The following APOB variants were observed in gnomAD, a reference collection of about 807,000 sequenced individuals.
The protein encoded by APOB is apolipoprotein B-100.
APOB carries 153 observed loss-of-function variants against 314.1 expected under a neutral mutation model. The observed-to-expected ratio is 0.49, with a 90% confidence interval of 0.43 to 0.56. The LOEUF is 0.56. Among genes scored for constraint, APOB ranks in the 20% least tolerant of loss-of-function variants. The pLI is 0.00. For missense variants in APOB, 5,430 were observed against 5,350.7 expected, an observed-to-expected ratio of 1.01 and a Z score of -0.46; for synonymous variants, 2,087 against 2,036.4, an observed-to-expected ratio of 1.02 and a Z score of -0.67.
rs372538972 is a variant in APOB, at chr2:21,029,999, G to T, written c.1369C>A (p.Pro457Thr). Reference sequence around the variant, plus strand: ...TCCAGCAGCTCCTGGGTCCCTGTAGGGTTTGTCTTATGATAGCTACAGAAT... The same window carrying T: ...TCCAGCAGCTCCTGGGTCCCTGTAGTGTTTGTCTTATGATAGCTACAGAAT... ...HAVNNYHKTN[P>T]TGTQELLDIA... The change falls in exon 11 of 29, where the codon CCT becomes ACT. Residue 457 changes from proline (P) to threonine (T), a missense_variant. Around this residue, in one of 3 missense-constraint regions of APOB, gnomAD observed 2,085 missense variants for 2,079.7 expected, o/e 1.00. Coordinates refer to ENST00000233242, the MANE Select transcript of APOB (RefSeq NM_000384.3). The T allele has an allele frequency of 1.2e-6, 2 of 1,611,928 alleles. No individual in the cohort carries two copies. Among genetic ancestry groups the T allele is most frequent in the Non-Finnish European group, 8.5e-7 (1 of 1,178,018 alleles).
Position 21,012,031 on chromosome 2 carries a change from T to C in APOB, c.4837A>G (p.Ser1613Gly). The change falls in exon 26 of 29, where the codon AGC (serine) becomes GGC (glycine). Residue 1613 changes from serine to glycine, a missense_variant. Coordinates refer to ENST00000233242, the MANE Select transcript of APOB (RefSeq NM_000384.3). ...GAATTTAGTGATCCAGAAAGCAGGC[T>C]GAAGAACCTCAATGACTCGTAATCA... ...QADYESLRFF[S>G]LLSGSLNSHG... 6.2e-7 allele frequency: 1 copy of C among 1,614,218 alleles called. No individual in the cohort carries two copies. Among genetic ancestry groups the C allele is most frequent in the East Asian group, 2.2e-5 (1 of 44,884 alleles).
rs1663160029 is a variant in APOB, at chr2:21,006,918, A to C, written c.9950T>G (p.Leu3317Arg). ...LHVPRNLKLS[L>R]PDFKELCTIS... ...GGTACACAATTCCTTGAAATCTGGA[A>C]GAGAAAGCTTGAGATTTCTAGGGAC... Residue 3317 changes from leucine to arginine, a missense_variant, in exon 26 of 29, where the codon CTT becomes CGT. By Grantham distance (102) the Leu-to-Arg change is moderately radical. Transcript: ENST00000233242. The C allele has an allele frequency of 6.2e-7, 1 of 1,614,002 alleles. No individual in the cohort carries two copies. Among genetic ancestry groups the C allele is most frequent in the African/African-American group, 1.3e-5 (1 of 74,928 alleles).
chr2:21,003,199 G>A lies in APOB; in HGVS notation c.12223C>T (p.Pro4075Ser), dbSNP rs1393599234. Residue 4075 changes from proline to serine, a missense_variant, in exon 29 of 29, where the codon CCC becomes TCC. Physicochemically the swap from Pro to Ser is moderately conservative, Grantham distance 74. Coordinates refer to ENST00000233242, the MANE Select transcript of APOB (RefSeq NM_000384.3). ...TCATAAAGGACCCCTGTGGCCTTGGGCACGTTGTCTTTCAGAGAGGTTAGC... is the reference window on the plus strand; with the variant it reads ...TCATAAAGGACCCCTGTGGCCTTGGACACGTTGTCTTTCAGAGAGGTTAGC... ...GLLTSLKDNV[P>S]KATGVLYDYV... 1 of 1,613,970 alleles carries A rather than the reference G, an allele frequency of 6.2e-7. No homozygotes were observed. The highest frequency in any genetic ancestry group is 1.1e-5 in the South Asian group (1 of 91,052).
intron 28 of APOB, 76 bp from the exon 29 acceptor site, chr2:21,003,410 TAGC>T (rs1663049934): frequency 7.8e-7 from 1 of 1,274,896 alleles, no homozygotes; most frequent in Admixed American, 1.8e-5. Flanking sequence ...AAAACTTCAT[TAGC>T]AGTTAAAAAT....
chr2:21,007,490 T>C lies in APOB; in HGVS notation c.9378A>G (p.Leu3126=), dbSNP rs760776177. The C allele has an allele frequency of 6.2e-7, 1 of 1,614,132 alleles. No individual in the cohort carries two copies. The highest frequency in any genetic ancestry group is 8.5e-7 in the Non-Finnish European group (1 of 1,179,974). The stretch of plus-strand genomic sequence containing the variant: ...TTTCAGGAATTGTTAAAGGAATGTT[T>C]AAGAAATCCAGATTTGCTTCTCCAT... The part of the protein sequence containing the change: ...GINGEANLDF[L]NIPLTIPEMR... The change falls in exon 26 of 29, where the codon TTA becomes TTG. Residue 3126 remains leucine, a synonymous_variant. Coordinates refer to ENST00000233242, the MANE Select transcript of APOB (RefSeq NM_000384.3).
rs584542 is a variant in APOB at position 21,009,931 on chromosome 2, T to A, written c.6937A>T (p.Ile2313Phe). The A allele has an allele frequency of 3.1e-6, 5 of 1,613,928 alleles. 1 individual carries two copies. In the Admixed American group the frequency reaches 5.0e-5, roughly 16 times the overall value. ...TTISFERIND[I>F]LEHVKHFVIN... ...ACAAAGTGTTTGACATGCTCAAGAA[T>A]GTCATTTATTCTTTCAAATGAAATT... Residue 2313 changes from isoleucine (I) to phenylalanine (F), a missense_variant, in exon 26 of 29, where the codon ATT becomes TTT. Ile to Phe is a conservative substitution (Grantham distance 21). Around this residue, in one of 3 missense-constraint regions of APOB, gnomAD observed 3,281 missense variants for 3,171.0 expected, o/e 1.03. Transcript: ENST00000233242.
rs1663826745 is a variant in APOB at position 21,029,630 on chromosome 2, G to A, written c.1617+9C>T. 2 of 1,613,948 alleles carry A rather than the reference G, an allele frequency of 1.2e-6. No individual in the cohort carries two copies. ...CTTTCACTTTCAGACCTCTTCTTGT[G>A]GACTTTACCTTGTCTTTAGGCTCCA... On this transcript the variant is annotated intron_variant, in intron 12 of 28. Transcript: ENST00000233242.
At position 21,015,225 on chromosome 2, in the gene APOB, T is replaced by G; in HGVS notation, c.3544A>C (p.Thr1182Pro). ...EKIEFEWNTG[T>P]NVDTKKMTSN... ...GTCATTTTTTTGGTATCTACATTGG[T>G]GCCTGTGTTCCATTCAAATTCAATC... The change falls in exon 23 of 29, where the codon ACC (threonine) becomes CCC (proline). Residue 1182 changes from threonine to proline, a missense_variant. Transcript: ENST00000233242. 6.2e-7 allele frequency: 1 copy of G among 1,614,208 alleles called. No individual in the cohort carries two copies. Among genetic ancestry groups the G allele is most frequent in the Non-Finnish European group, 8.5e-7 (1 of 1,180,026 alleles).
In APOB at chr2:21,002,864, G is replaced by T. The variant is rs1379217005; in HGVS notation, c.12558C>A (p.Val4186=). ...CAATGAGTGAGTCAATCAGATGCTT[G>T]ACTTTCATATGGAATTCTTGAGTAA... ...VRVTQEFHMK[V]KHLIDSLIDF... Residue 4186 remains valine, a synonymous_variant, in exon 29 of 29, where the codon GTC becomes GTA. Coordinates refer to ENST00000233242, the MANE Select transcript of APOB (RefSeq NM_000384.3). 6.2e-7 allele frequency: 1 copy of T among 1,613,504 alleles called. No individual in the cohort carries two copies. Among genetic ancestry groups the T allele is most frequent in the Admixed American group, 1.7e-5 (1 of 59,958 alleles).
chr2:21,034,690 C>T (rs1191846779), intron 8 of APOB, 126 bp downstream of exon 8: 6 of 754,024 alleles, frequency 8.0e-6, no homozygotes, highest in African/African-American at 3.4e-5. Flanking sequence ...CTAGAGGTAG[C>T]CAGAACACCA....
intron 23 of APOB, 114 bp downstream of exon 23, chr2:21,014,959 G>A (rs1006240716): frequency 1.7e-6 from 2 of 1,143,130 alleles, no homozygotes; most frequent in Non-Finnish European, 2.6e-6. Flanking sequence ...ATTCCCTGGG[G>A]GGAAGGAAGC....
rs773481991 is a variant in APOB, at chr2:21,027,376, ATC to A, written c.2068-414_2068-413del. On this transcript the variant is annotated intron_variant, in intron 14 of 28. Transcript: ENST00000233242. ...GCCCAGGCTGGAGCGCAGTGGCGCA[ATC>A]TCTCGGCTCACTGCAAGCTCAGCCT... Among the ~76,000 whole-genome samples the A allele has an allele frequency of 1.1e-4, 15 of 142,550 alleles. No individual in the cohort carries two copies. In the East Asian group the frequency reaches 2.9e-3, roughly 27 times the overall value. The allele number at this position is 142,550 out of a possible 152,430, so 93.5% of individuals were successfully genotyped here.
chr2:21,043,976 G>A lies in APOB; in HGVS notation c.-31C>T. The A allele has an allele frequency of 8.5e-7, 1 of 1,173,396 alleles. No individual in the cohort carries two copies. The highest frequency in any genetic ancestry group is 3.2e-5 in the South Asian group (1 of 31,194). 72.7% of individuals were successfully genotyped at this position (1,173,396 alleles called of 1,614,324 possible). A position where few individuals can be genotyped will look rare whatever the true frequency, so the allele number is the denominator to read the frequency against. On this transcript the variant is annotated 5_prime_UTR_variant, in exon 1 of 29. Transcript: ENST00000233242. Reference sequence around the variant, plus strand: ...GCTGCGGTGGGGCGGCTCCTGGGCTGCGGCCTGGCCTCGGCCTCGCGGCCC... The same window carrying A: ...GCTGCGGTGGGGCGGCTCCTGGGCTACGGCCTGGCCTCGGCCTCGCGGCCC...
In APOB at chr2:21,001,755, G is replaced by C; in HGVS notation, c.13667C>G (p.Pro4556Arg). The C allele has an allele frequency of 6.2e-7, 1 of 1,613,926 alleles. No homozygotes were observed. The highest frequency in any genetic ancestry group is 8.5e-7 in the Non-Finnish European group (1 of 1,179,906). The change falls in exon 29 of 29, where the codon CCA (proline) becomes CGA (arginine). Residue 4556 changes from proline (P) to arginine (R), a missense_variant. Physicochemically the swap from Pro to Arg is moderately radical, Grantham distance 103 (BLOSUM62 -2). Around this residue, in one of 3 missense-constraint regions of APOB, gnomAD observed 3,281 missense variants for 3,171.0 expected, o/e 1.03. Transcript: ENST00000233242. The stretch of plus-strand genomic sequence containing the variant: ...TTAGAGGATGATAGTAAGTTCTCCT[G>C]GAGCAAGCTTCATGTAGGGGTTCAT... ...TVMNPYMKLAPGELTIIL is the reference protein window; with the variant it reads ...TVMNPYMKLARGELTIIL
At position 21,013,345 on chromosome 2, in the gene APOB, T is replaced by C. The variant is rs1370268616; in HGVS notation, c.4031A>G (p.Lys1344Arg). The C allele has an allele frequency of 1.9e-6, 3 of 1,614,140 alleles. No homozygotes were observed. Among genetic ancestry groups the C allele is most frequent in the Non-Finnish European group, 2.5e-6 (3 of 1,180,030 alleles). The change falls in exon 25 of 29, where the codon AAG becomes AGG. Residue 1344 changes from lysine (K) to arginine (R), a missense_variant. By Grantham distance (26) the Lys-to-Arg change is conservative. This residue lies in a region of APOB where 2,085 missense variants were observed against 2,079.7 expected (regional missense o/e 1.00). Transcript: ENST00000233242. ...EFQVPTFTIP[K>R]LYQLQVPLLG... ...GAGAGGCACTTGCAGTTGATACAACTTGGGAATGGTAAAAGTAGGGACTTG... is the reference window on the plus strand; with the variant it reads ...GAGAGGCACTTGCAGTTGATACAACCTGGGAATGGTAAAAGTAGGGACTTG...
chr2:21,038,636 G>A (rs990331014), intron 4 of APOB, among the ~76,000 whole-genome samples: 6 of 152,082 alleles, frequency 3.9e-5, no homozygotes, highest in Non-Finnish European at 8.8e-5. Flanking sequence ...AGGTCCAGCT[G>A]TGTTTTAACT....
intron 16 of APOB, 187 bp from the exon 17 acceptor site, chr2:21,023,879 C>G: frequency 1.9e-6 from 1 of 518,588 alleles, no homozygotes; most frequent in East Asian, 3.0e-5. Context: ...TTCAGTGAAT[C>G]AGGATATAAG....
At chr2:21,029,499 G>A in intron 12 of APOB, 140 bp downstream of exon 12, 2 of 818,632 alleles carry the variant, frequency 2.4e-6, no homozygotes, top group Admixed American at 2.0e-5. Flanking sequence ...GAGGGAGGAA[G>A]GAAGGAAGGA....
At chr2:21,040,434 G>A (rs916002973) in intron 4 of APOB, among the ~76,000 whole-genome samples, 6 of 152,200 alleles carry the variant, frequency 3.9e-5, no homozygotes, top group Non-Finnish European at 7.3e-5. Context: ...CAATGGGTGC[G>A]ACATGGGCCC....
Sources: allele counts gnomAD v4.1 joint callset (sites outside exome capture counted in the v4.1 genomes callset), GRCh38; gene constraint gnomAD v4.1.1; regional missense constraint gnomAD v4.1.1; transcripts MANE v1.5; gene names NCBI Gene and HGNC (gene_info 2026-07-23, HGNC 2026-07-21).